Variants in ZC3H3 observed in about 807,000 individuals in gnomAD.
The protein encoded by ZC3H3 is zinc finger CCCH-type containing 3.
Under a neutral mutation model 77.3 loss-of-function variants are expected in ZC3H3, and 36 were observed. The ratio of observed to expected loss-of-function variants is 0.47; its 90% CI spans 0.36 to 0.61. The LOEUF is 0.61. Among genes scored for constraint, ZC3H3 ranks in the 20% least tolerant of loss-of-function variants. The pLI is 0.00. For missense variants in ZC3H3, 1,331 were observed against 1,312.2 expected (o/e 1.01, Z -0.22); for synonymous variants, 626 against 555.2 (o/e 1.13, Z -1.79).
chr8:143,442,049 C>G (rs1819756005), intron 9 of ZC3H3, among the ~76,000 whole-genome samples: 1 of 152,134 alleles, frequency 6.6e-6, no homozygotes, highest in South Asian at 2.1e-4. Flanking sequence ...GCCTTGAACC[C>G]ACATCCTCCC....
intron 4 of ZC3H3, among the ~76,000 whole-genome samples, chr8:143,489,640 G>A (rs761889670): frequency 5.9e-5 from 9 of 152,228 alleles, no homozygotes; most frequent in South Asian, 2.1e-4. Flanking sequence ...ATGCCCGCCC[G>A]CCTATGCTTT....
intron 9 of ZC3H3, among the ~76,000 whole-genome samples, chr8:143,442,025 C>T (rs1240799619): frequency 6.6e-6 from 1 of 152,134 alleles, no homozygotes; most frequent in Non-Finnish European, 1.5e-5. Context: ...GCTTCCAGCT[C>T]GTGGGGTGCC....
intron 3 of ZC3H3, among the ~76,000 whole-genome samples, chr8:143,521,932 G>A (rs1434861369): frequency 3.9e-5 from 6 of 152,196 alleles, no homozygotes; most frequent in East Asian, 3.8e-4. Context: ...CAGTGGGCAC[G>A]GCTGCCATGG....
chr8:143,529,403 C>T (rs527936836), intron 3 of ZC3H3, among the ~76,000 whole-genome samples: 9 of 152,278 alleles, frequency 5.9e-5, no homozygotes, highest in African/African-American at 2.2e-4. Flanking sequence ...GCCAGGGCTG[C>T]GTGGCAAACC....
At chr8:143,439,634 G>A (rs1370913148) in intron 11 of ZC3H3, among the ~76,000 whole-genome samples, 3 of 152,220 alleles carry the variant, frequency 2.0e-5, no homozygotes, top group Non-Finnish European at 4.4e-5. Context: ...AATTAAATCA[G>A]CCCTCAGCTG....
chr8:143,465,921 C>T, intron 8 of ZC3H3, 73 bp from the exon 9 acceptor site: 1 of 1,531,032 alleles, frequency 6.5e-7, no homozygotes, highest in Admixed American at 2.0e-5. Flanking sequence ...GCTGGGGACC[C>T]TCCTACGGCC....
rs190893117 is a variant in ZC3H3 at position 143,522,984 on chromosome 8, C to A, written c.1561+13273G>T. Among the ~76,000 whole-genome samples the A allele has an allele frequency of 5.9e-4, 90 of 152,284 alleles. 1 individual carries two copies. The East Asian group carries it at 0.016, about 27-fold the overall frequency. On this transcript the variant is annotated intron_variant, in intron 3 of 11. Coordinates refer to ENST00000262577, the MANE Select transcript of ZC3H3 (RefSeq NM_015117.3). ...GAGTCCTGTCCTGGGTGACTTGGAGCCATCCAGCCTAGCCCTTCACATACA... is the reference window on the plus strand; with the variant it reads ...GAGTCCTGTCCTGGGTGACTTGGAGACATCCAGCCTAGCCCTTCACATACA...
At chr8:143,470,724 G>A (rs904907553) in intron 5 of ZC3H3, among the ~76,000 whole-genome samples, 3 of 152,234 alleles carry the variant, frequency 2.0e-5, no homozygotes, top group African/African-American at 7.2e-5. Flanking sequence ...TTAAAAAAAT[G>A]CCAGTGTGAG....
chr8:143,507,804 C>T lies in ZC3H3; in HGVS notation c.1657G>A (p.Ala553Thr), dbSNP rs779568989. ...VKKTPASPLS[A>T]PPFPLSLPSW... is the part of the protein sequence containing the mutation. ...GGCAGAGACAGGGGGAAGGGCGGGGCGCTGAGAGGCGAGGCCGGCGTCTTC... is the reference window on the plus strand; with the variant it reads ...GGCAGAGACAGGGGGAAGGGCGGGGTGCTGAGAGGCGAGGCCGGCGTCTTC... Residue 553 changes from alanine (A) to threonine (T), a missense_variant, in exon 4 of 12, where the codon GCC (alanine) becomes ACC (threonine). Ala to Thr is a moderately conservative substitution (Grantham distance 58). Transcript: ENST00000262577. The T allele has an allele frequency of 1.7e-5, 27 of 1,606,604 alleles. No homozygotes were observed. Among genetic ancestry groups the T allele is most frequent in the Non-Finnish European group, 2.0e-5 (24 of 1,178,184 alleles).
chr8:143,484,118 G>C (rs774041497), intron 4 of ZC3H3, among the ~76,000 whole-genome samples: 14 of 152,220 alleles, frequency 9.2e-5, no homozygotes, highest in Non-Finnish European at 1.9e-4. Context: ...GACAGGGACA[G>C]CCTTGAGTGC....
chr8:143,536,494 G>A (rs1822804333), intron 2 of ZC3H3, 41 bp from the exon 3 acceptor site: 2 of 1,453,644 alleles, frequency 1.4e-6, no homozygotes, highest in Non-Finnish European at 9.1e-7. Flanking sequence ...CAAGCCCTGG[G>A]GGTTCTGCCC....
chr8:143,464,317 G>A (rs1820349847), intron 9 of ZC3H3, among the ~76,000 whole-genome samples: 1 of 152,248 alleles, frequency 6.6e-6, no homozygotes, highest in Admixed American at 6.5e-5. Flanking sequence ...TGGCCTCCAT[G>A]GGGATCCTGC....
chr8:143,438,555 G>GGAGCA (rs1819643619), intron 11 of ZC3H3, among the ~76,000 whole-genome samples: 1 of 152,182 alleles, frequency 6.6e-6, no homozygotes, highest in Non-Finnish European at 1.5e-5. Flanking sequence ...GGGAGGGGCA[G>GGAGCA]GAGCAGAGCA....
chr8:143,444,811 T>G (rs912012010), intron 9 of ZC3H3, among the ~76,000 whole-genome samples: 2 of 152,178 alleles, frequency 1.3e-5, no homozygotes, highest in Non-Finnish European at 2.9e-5. Flanking sequence ...CAGTCAATAT[T>G]GTATTGGGGT....
At chr8:143,477,961 C>G (rs1172042357) in intron 4 of ZC3H3, among the ~76,000 whole-genome samples, 1 of 152,136 alleles carries the variant, frequency 6.6e-6, no homozygotes, top group African/African-American at 2.4e-5. Context: ...CGGGAGCCCC[C>G]AGCTCCCTGC....
intron 4 of ZC3H3, among the ~76,000 whole-genome samples, chr8:143,485,740 C>G (rs1175191589): frequency 6.6e-6 from 1 of 152,220 alleles, no homozygotes; most frequent in African/African-American, 2.4e-5. Context: ...ACATCCACAA[C>G]AAAAACAAAC....
At chr8:143,502,631 G>T (rs564807612) in intron 4 of ZC3H3, among the ~76,000 whole-genome samples, 1 of 152,172 alleles carries the variant, frequency 6.6e-6, no homozygotes, top group Non-Finnish European at 1.5e-5. Flanking sequence ...TGTTTATTTC[G>T]CACTTTCATG....
At chr8:143,489,039 G>A (rs545413351) in intron 4 of ZC3H3, among the ~76,000 whole-genome samples, 21 of 152,170 alleles carry the variant, frequency 1.4e-4, no homozygotes, top group Admixed American at 3.9e-4. Flanking sequence ...CAGTGGCAGC[G>A]CTGACCCCCA....
chr8:143,442,238 G>A (rs1819760588), intron 9 of ZC3H3, among the ~76,000 whole-genome samples: 1 of 152,112 alleles, frequency 6.6e-6, no homozygotes, highest in Non-Finnish European at 1.5e-5. Context: ...CCAGGCTCAG[G>A]CCAGTGCTTG....
Sources: gnomAD v4.1 joint callset for allele counts (sites outside exome capture counted in the v4.1 genomes callset) on GRCh38, gnomAD v4.1.1 for gene constraint, MANE v1.5 for transcripts, NCBI Gene and HGNC (gene_info 2026-07-23, HGNC 2026-07-21) for gene names.